MOB1B: variants seen among roughly 807,000 people sequenced by gnomAD.
The protein encoded by MOB1B is MOB1 Mps One Binder homolog B.
In MOB1B, 19 loss-of-function variants were observed where a neutral mutation model predicts 24.4. That is an observed-to-expected ratio of 0.78 (90% confidence interval 0.54 to 1.14). The LOEUF (loss-of-function observed/expected upper bound fraction) is 1.14, where lower values mean the gene tolerates loss of function less well. MOB1B is among the 50% of genes most tolerant of loss of function. The pLI is 0.00. For missense variants in MOB1B, 243 were observed against 259.6 expected, an observed-to-expected ratio of 0.94 and a Z score of 0.44; for synonymous variants, 76 against 82.1, an observed-to-expected ratio of 0.93 and a Z score of 0.40.
At chr4:70,959,072 T>G in intron 2 of MOB1B, 32 bp downstream of exon 2, 1 of 1,588,794 alleles carries the variant, frequency 6.3e-7, no homozygotes, top group Non-Finnish European at 8.6e-7. Flanking sequence ...CAGTAGCCTG[T>G]GAATTAGGGT....
chr4:70,928,494 A>G (rs1431084788), intron 1 of MOB1B, among the ~76,000 whole-genome samples: 1 of 151,790 alleles, frequency 6.6e-6, no homozygotes, highest in East Asian at 1.9e-4. Context: ...ATGGAGTTTC[A>G]CCATGTTGTT....
At chr4:70,932,937 G>T (rs546511912) in intron 1 of MOB1B, among the ~76,000 whole-genome samples, 1 of 152,126 alleles carries the variant, frequency 6.6e-6, no homozygotes, top group Non-Finnish European at 1.5e-5. Context: ...CTGTAAGAAC[G>T]CTGGGTCATA....
chr4:70,969,345 G>T (rs1176033232), intron 2 of MOB1B, among the ~76,000 whole-genome samples: 4 of 152,082 alleles, frequency 2.6e-5, no homozygotes, highest in Non-Finnish European at 2.9e-5. Context: ...TTCCCAGGTT[G>T]GTCTTGAATT....
chr4:70,903,615 T>C (rs1275876212), intron 1 of MOB1B, among the ~76,000 whole-genome samples: 1 of 152,220 alleles, frequency 6.6e-6, no homozygotes, highest in Non-Finnish European at 1.5e-5. Context: ...GTGGAGAAAT[T>C]AGCATTTAAA....
chr4:70,918,570 A>T (rs367994622), intron 1 of MOB1B, among the ~76,000 whole-genome samples: 3,271 of 151,280 alleles, frequency 0.022, 46 homozygotes, highest in Middle Eastern at 0.054. Context: ...GTTTGAGTTC[A>T]TTGTAGATTC....
At chr4:70,903,559 T>TA (rs1735607491) in intron 1 of MOB1B, among the ~76,000 whole-genome samples, 3 of 152,194 alleles carry the variant, frequency 2.0e-5, no homozygotes. Flanking sequence ...AGAAAACTAA[T>TA]AAAAAACTTA....
At chr4:70,980,515 C>T (rs1004773732) in intron 5 of MOB1B, among the ~76,000 whole-genome samples, 2 of 152,168 alleles carry the variant, frequency 1.3e-5, no homozygotes, top group South Asian at 4.1e-4. Flanking sequence ...CTGTGAGCTT[C>T]TTAAAGGTAG....
intron 2 of MOB1B, among the ~76,000 whole-genome samples, chr4:70,960,791 G>A (rs991729678): frequency 1.3e-5 from 2 of 152,124 alleles, no homozygotes; most frequent in Non-Finnish European, 2.9e-5. Context: ...ATATGTGTAC[G>A]TTCTTTTTGT....
At chr4:70,913,586 C>A (rs2148868875) in intron 1 of MOB1B, among the ~76,000 whole-genome samples, 1 of 152,232 alleles carries the variant, frequency 6.6e-6, no homozygotes, top group East Asian at 1.9e-4. Flanking sequence ...CCACCGTGCC[C>A]AGGTGATGTG....
At chr4:70,913,918 C>CTTTTTT (rs59264552) in intron 1 of MOB1B, among the ~76,000 whole-genome samples, 1 of 147,474 alleles carries the variant, frequency 6.8e-6, no homozygotes, top group Non-Finnish European at 1.5e-5. Context: ...GGAATTTACT[C>CTTTTTT]TTTTTTTTTT....
At chr4:70,970,095 C>G (rs1261501065) in intron 3 of MOB1B, 71 bp downstream of exon 3, 1 of 894,414 alleles carries the variant, frequency 1.1e-6, no homozygotes. Context: ...AACGAAGTTT[C>G]TGACCATATG....
At chr4:70,946,806 T>G (rs113287991) in intron 1 of MOB1B, among the ~76,000 whole-genome samples, 1,969 of 151,526 alleles carry the variant, frequency 0.013, 38 homozygotes, top group African/African-American at 0.045. Context: ...AGGGGAAAGA[T>G]GAAACAGAAG....
At chr4:70,971,763 T>C (rs1385547791) in intron 3 of MOB1B, among the ~76,000 whole-genome samples, 1 of 152,192 alleles carries the variant, frequency 6.6e-6, no homozygotes, top group Non-Finnish European at 1.5e-5. Context: ...AGAAATTAAA[T>C]AGCACTGCCT....
At chr4:70,952,718 TTTC>T (rs1737862581) in intron 1 of MOB1B, among the ~76,000 whole-genome samples, 1 of 150,320 alleles carries the variant, frequency 6.7e-6, no homozygotes, top group Admixed American at 6.6e-5. Flanking sequence ...GAAACTGTAA[TTTC>T]TTCTGAGGTA....
In MOB1B at chr4:70,981,933, A is replaced by G. The variant is rs754370462; in HGVS notation, c.574-47A>G. 4.9e-6 allele frequency: 6 copies of G among 1,222,382 alleles called. No homozygotes were observed. In the Admixed American group the frequency reaches 7.1e-5, roughly 14 times the overall value. The allele number at this position is 1,222,382 out of a possible 1,614,324, so 75.7% of individuals were successfully genotyped here. A position where few individuals can be genotyped will look rare whatever the true frequency, so the allele number is the denominator to read the frequency against. ...GTAATTTACTTTGGAATAAGATGCA[A>G]ATAATGTTTTTGCTATTTATTCTGC... On this transcript the variant is annotated intron_variant, in intron 5 of 5. Coordinates refer to ENST00000309395, the MANE Select transcript of MOB1B (RefSeq NM_173468.4).
chr4:70,940,865 A>G (rs1737304645), intron 1 of MOB1B, among the ~76,000 whole-genome samples: 3 of 151,530 alleles, frequency 2.0e-5, no homozygotes, highest in African/African-American at 4.9e-5. Context: ...TAGTAGAGAC[A>G]GGGTTTCTCC....
At chr4:70,942,781 C>T in intron 1 of MOB1B, 1 of 771,200 alleles carries the variant, frequency 1.3e-6, no homozygotes, top group Non-Finnish European at 1.6e-6. Context: ...TTAGCCCCTC[C>T]CTGAATTCCT....
intron 1 of MOB1B, among the ~76,000 whole-genome samples, chr4:70,903,184 T>C (rs1183185610): frequency 2.0e-5 from 3 of 152,296 alleles, no homozygotes; most frequent in Middle Eastern, 3.4e-3. Context: ...AGAGGCGCCC[T>C]TCCTCCCAGA....
chr4:70,914,837 C>T (rs1014295439), intron 1 of MOB1B, among the ~76,000 whole-genome samples: 1 of 152,176 alleles, frequency 6.6e-6, no homozygotes, highest in African/African-American at 2.4e-5. Context: ...TGTACAGTCG[C>T]GGTTACTGCC....
Sources: gnomAD v4.1 joint callset for allele counts (sites outside exome capture counted in the v4.1 genomes callset) on GRCh38, gnomAD v4.1.1 for gene constraint, MANE v1.5 for transcripts, NCBI Gene and HGNC (gene_info 2026-07-23, HGNC 2026-07-21) for gene names.